SENP5: variants seen among roughly 807,000 people sequenced by gnomAD.
SENP5 encodes SUMO specific peptidase 5, also known as sentrin-specific protease 5.
SENP5 carries 21 observed loss-of-function variants against 74.2 expected under a neutral mutation model. The ratio of observed to expected loss-of-function variants is 0.28; its 90% CI spans 0.20 to 0.41. SENP5 has a LOEUF of 0.41. Ranked by LOEUF, SENP5 falls within the 10% of genes least tolerant of loss-of-function variation. The pLI is 1.00. For missense variants in SENP5, 717 were observed against 889.1 expected, an observed-to-expected ratio of 0.81 and a Z score of 2.46; for synonymous variants, 311 against 312.7, an observed-to-expected ratio of 0.99 and a Z score of 0.06.
At chr3:196,924,174 T>C (rs987913444) in intron 7 of SENP5, among the ~76,000 whole-genome samples, 2 of 152,160 alleles carry the variant, frequency 1.3e-5, no homozygotes, top group African/African-American at 2.4e-5. Flanking sequence ...GAATGAAATA[T>C]GGAAAATGTT....
At chr3:196,930,276 T>C (rs1210035525) in intron 9 of SENP5, among the ~76,000 whole-genome samples, 1 of 152,164 alleles carries the variant, frequency 6.6e-6, no homozygotes, top group Non-Finnish European at 1.5e-5. Flanking sequence ...TTAAGGGCCA[T>C]GATGGGTCTA....
At chr3:196,873,960 C>T (rs1713339118) in intron 1 of SENP5, among the ~76,000 whole-genome samples, 2 of 151,882 alleles carry the variant, frequency 1.3e-5, no homozygotes. Flanking sequence ...GCCTCAGCCT[C>T]TTGAGTAGCT....
At chr3:196,921,556 C>T (rs1014060101) in intron 6 of SENP5, among the ~76,000 whole-genome samples, 15 of 151,996 alleles carry the variant, frequency 9.9e-5, no homozygotes, top group Admixed American at 6.6e-4. Flanking sequence ...GAAGAATATA[C>T]ATCTGGTTTT....
chr3:196,913,581 C>CA lies in SENP5; in HGVS notation c.1885-9825dup, dbSNP rs538948778. 1.5e-3 allele frequency among the ~76,000 whole-genome samples: 188 copies of CA among 122,624 alleles called. 2 individuals are homozygous for CA. Among genetic ancestry groups the CA allele is most frequent in the African/African-American group, 5.1e-3 (169 of 33,214 alleles). The allele number at this position is 122,624 out of a possible 152,430, so 80.4% of individuals were successfully genotyped here. A position where few individuals can be genotyped will look rare whatever the true frequency, so the allele number is the denominator to read the frequency against. On this transcript the variant is annotated intron_variant, in intron 6 of 9. Coordinates refer to ENST00000323460, the MANE Select transcript of SENP5 (RefSeq NM_152699.5). ...GAGACTCCATCTCAAAAAAAAAAAA[C>CA]AAAAAAAACTAGTAAGACCCTGAAC...
At position 196,932,613 on chromosome 3, in the gene SENP5, C is replaced by CT. The variant is rs2108872028; in HGVS notation, c.*1691dup. 1 of 151,526 alleles carries CT rather than the reference C, an allele frequency of 6.6e-6. No homozygotes were observed. The highest frequency in any genetic ancestry group is 2.1e-4 in the South Asian group (1 of 4,790). 9.4% of individuals were successfully genotyped at this position (151,526 alleles called of 1,614,324 possible). A position where few individuals can be genotyped will look rare whatever the true frequency, so the allele number is the denominator to read the frequency against. On this transcript the variant is annotated 3_prime_UTR_variant, in exon 10 of 10. Transcript: ENST00000323460. ...ACTTTATGCTGCTATAGGTGGGGTT[C>CT]TGTCAGCGTTAGGAAAAAATGACAG...
intron 1 of SENP5, among the ~76,000 whole-genome samples, chr3:196,879,321 G>A (rs535680034): frequency 2.0e-5 from 3 of 152,250 alleles, no homozygotes; most frequent in African/African-American, 7.2e-5. Flanking sequence ...GTATACCAAG[G>A]TTTACAACCA....
intron 6 of SENP5, among the ~76,000 whole-genome samples, chr3:196,919,489 CAAAT>C (rs1443059416): frequency 1.3e-5 from 2 of 152,050 alleles, no homozygotes; most frequent in African/African-American, 2.4e-5. Context: ...TCAAAACAAA[CAAAT>C]GAACAAAGAA....
Position 196,934,216 on chromosome 3 carries a change from G to A in SENP5, c.*3293G>A, listed in dbSNP as rs1031376719. 3 of 152,196 alleles carry A rather than the reference G, an allele frequency of 2.0e-5. No homozygotes were observed. The highest frequency in any genetic ancestry group is 4.1e-4 in the South Asian group (2 of 4,838). The allele number at this position is 152,196 out of a possible 1,614,324, so 9.4% of individuals were successfully genotyped here. On this transcript the variant is annotated 3_prime_UTR_variant, in exon 10 of 10. Coordinates refer to ENST00000323460, the MANE Select transcript of SENP5 (RefSeq NM_152699.5). ...ATTTTCTACATAGCACTGAATCTGA[G>A]TAACAGTCATCCTGGATTTATAGTT...
chr3:196,871,938 C>T (rs1713235744), intron 1 of SENP5, among the ~76,000 whole-genome samples: 2 of 151,552 alleles, frequency 1.3e-5, no homozygotes, highest in African/African-American at 4.8e-5. Context: ...AAATGGAAGA[C>T]AGAAAAATAG....
At chr3:196,913,117 G>T (rs1715203440) in intron 6 of SENP5, 1 of 152,032 alleles carries the variant, frequency 6.6e-6, no homozygotes, top group African/African-American at 2.4e-5. Flanking sequence ...GTAAAATAGT[G>T]ATAGTGGCAG....
intron 9 of SENP5, among the ~76,000 whole-genome samples, chr3:196,930,078 C>T (rs531937775): frequency 6.6e-6 from 1 of 151,842 alleles, no homozygotes; most frequent in East Asian, 1.9e-4. Flanking sequence ...GAGAAACTGC[C>T]ATCTTGTGCT....
chr3:196,909,009 C>T (rs1360171567), intron 6 of SENP5, among the ~76,000 whole-genome samples: 1 of 151,772 alleles, frequency 6.6e-6, no homozygotes, highest in South Asian at 2.1e-4. Flanking sequence ...ACAAAAAATA[C>T]CTCTAGCTAA....
At position 196,885,885 on chromosome 3, in the gene SENP5, A is replaced by C; in HGVS notation, c.704A>C (p.Lys235Thr). Reference sequence around the variant, plus strand: ...TTATCTCCTCTTATGATGTATGAGAAATTATCCATGATTAGATTTCGGTAC... The same window carrying C: ...TTATCTCCTCTTATGATGTATGAGACATTATCCATGATTAGATTTCGGTAC... The part of the protein sequence containing the change: ...IKLSPLMMYE[K>T]LSMIRFRYRI... Residue 235 changes from lysine (K) to threonine (T), a missense_variant, in exon 2 of 10, where the codon AAA becomes ACA. Lys to Thr is a moderately conservative substitution (Grantham distance 78). Coordinates refer to ENST00000323460, the MANE Select transcript of SENP5 (RefSeq NM_152699.5). The C allele has an allele frequency of 6.2e-7, 1 of 1,613,596 alleles. No homozygotes were observed. Among genetic ancestry groups the C allele is most frequent in the South Asian group, 1.1e-5 (1 of 90,992 alleles).
chr3:196,914,644 G>A (rs1715299202), intron 6 of SENP5: 1 of 135,664 alleles, frequency 7.4e-6, no homozygotes, highest in Non-Finnish European at 1.5e-5. Flanking sequence ...TGTGTGGGGA[G>A]GGGTTTTATA....
intron 1 of SENP5, among the ~76,000 whole-genome samples, chr3:196,872,165 T>A (rs1379177589): frequency 6.6e-6 from 1 of 152,112 alleles, no homozygotes; most frequent in African/African-American, 2.4e-5. Context: ...TGTCCTAGGG[T>A]CGGTGAGTAT....
At chr3:196,874,381 A>T (rs1713362576) in intron 1 of SENP5, among the ~76,000 whole-genome samples, 1 of 151,528 alleles carries the variant, frequency 6.6e-6, no homozygotes, top group African/African-American at 2.4e-5. Flanking sequence ...TGTCCTTTCC[A>T]TTGTACTAAA....
intron 6 of SENP5, among the ~76,000 whole-genome samples, chr3:196,905,765 C>T (rs561457995): frequency 2.4e-4 from 37 of 152,138 alleles, no homozygotes; most frequent in South Asian, 1.9e-3. Context: ...ATTACATAGG[C>T]GATTGACTAA....
intron 8 of SENP5, 169 bp from the exon 9 acceptor site, chr3:196,929,464 T>C (rs1181001492): frequency 2.6e-5 from 14 of 532,776 alleles, no homozygotes; most frequent in Non-Finnish European, 4.3e-5. Context: ...GCTCTTTTTA[T>C]GTGGCCAGGT....
chr3:196,888,141 T>G (rs776145265), intron 2 of SENP5, among the ~76,000 whole-genome samples: 2 of 152,210 alleles, frequency 1.3e-5, no homozygotes, highest in Non-Finnish European at 2.9e-5. Flanking sequence ...CCTTCTCTTG[T>G]CAAAAATCTA....
Sources: gnomAD v4.1 joint callset for allele counts (sites outside exome capture counted in the v4.1 genomes callset) on GRCh38, gnomAD v4.1.1 for gene constraint, MANE v1.5 for transcripts, NCBI Gene and HGNC (gene_info 2026-07-23, HGNC 2026-07-21) for gene names.